Variants in CEP131 observed in about 807,000 individuals in gnomAD.
CEP131 encodes centrosomal protein of 131 kDa.
Under a neutral mutation model 136.8 loss-of-function variants are expected in CEP131, and 99 were observed. The ratio of observed to expected loss-of-function variants is 0.72; its 90% confidence interval spans 0.62 to 0.86. CEP131 has a LOEUF of 0.86. CEP131 is among the 40% of genes least tolerant of loss of function. The pLI, the probability that CEP131 is intolerant of heterozygous loss-of-function variation, is 0.00. For missense variants in CEP131, 1,459 were observed against 1,463.0 expected (o/e 1.00, Z 0.04); for synonymous variants, 646 against 612.7 (o/e 1.05, Z -0.80).
At chr17:81,221,895 C>A (rs1383060731) in intron 1 of CEP131, among the ~76,000 whole-genome samples, 3 of 152,204 alleles carry the variant, frequency 2.0e-5, no homozygotes, top group Non-Finnish European at 4.4e-5. Context: ...CAAGGTCACC[C>A]TGGGCTTCCT....
At position 81,215,819 on chromosome 17, in the gene CEP131, A is replaced by G. The variant is rs1300431025; in HGVS notation, c.177+4061T>C. 2.0e-5 allele frequency among the ~76,000 whole-genome samples: 3 copies of G among 152,214 alleles called. No individual in the cohort carries two copies. The highest frequency in any genetic ancestry group is 7.2e-5 in the African/African-American group (3 of 41,446). ...ATGCAAAATGGCAAAGACACAGGGT[A>G]TTTGCTGTGCCACTCTTGGTACTAT... On this transcript the variant is annotated intron_variant, in intron 2 of 25. Coordinates refer to ENST00000450824, the MANE Select transcript of CEP131 (RefSeq NM_014984.4). The surrounding 1 kb of genome is among the most constrained non-coding windows in gnomAD (Gnocchi z 4.1).
chr17:81,207,193 T>C lies in CEP131; in HGVS notation c.319A>G (p.Ser107Gly). ...AGGCTGGCAGGCCTCTTTTTCCCAC[T>C]GGGGCTGCCCTCGAAGAGCATCAGG... The part of the protein sequence containing the change: ...DFLMLFEGSP[S>G]GKKRPASLST... The change falls in exon 4 of 26, where the codon AGT becomes GGT. Residue 107 changes from serine to glycine, a missense_variant. This residue lies in a region of CEP131 where 187 missense variants were observed against 179.9 expected (regional missense o/e 1.04). Transcript: ENST00000450824. 8 of 1,613,590 alleles carry C rather than the reference T, an allele frequency of 5.0e-6. No homozygotes were observed. The highest frequency in any genetic ancestry group is 6.8e-6 in the Non-Finnish European group (8 of 1,179,898).
intron 6 of CEP131, among the ~76,000 whole-genome samples, chr17:81,202,631 A>G (rs2146598757): frequency 6.6e-6 from 1 of 152,312 alleles, no homozygotes; most frequent in South Asian, 2.1e-4. Flanking sequence ...GGTACCCAGG[A>G]TAATGAGCTC....
chr17:81,193,933 G>T lies in CEP131; in HGVS notation c.2314C>A (p.Arg772=). 6.5e-7 allele frequency: 1 copy of T among 1,535,794 alleles called. No homozygotes were observed. Residue 772 remains arginine, a synonymous_variant, in exon 18 of 26, where the codon CGG becomes AGG. Coordinates refer to ENST00000450824, the MANE Select transcript of CEP131 (RefSeq NM_014984.4). ...ALGQQERERA[R]QRFQQHLEQE... ...CCTGGGGCCACCACCCACCGCTGCC[G>T]AGCACGTTCGCGCTCCTGCTGGCCC...
At chr17:81,201,962 G>A (rs374272781) in intron 7 of CEP131, among the ~76,000 whole-genome samples, 16 of 152,166 alleles carry the variant, frequency 1.1e-4, no homozygotes, top group African/African-American at 2.9e-4. Context: ...TTAGCCAGGC[G>A]TGGTGGCGGG....
chr17:81,194,478 C>T (rs2061711700), intron 17 of CEP131, among the ~76,000 whole-genome samples: 1 of 152,230 alleles, frequency 6.6e-6, no homozygotes, highest in South Asian at 2.1e-4. Context: ...ACAACACCCA[C>T]CAGCCTCCTG....
chr17:81,222,715 C>G (rs903850649), intron 1 of CEP131, 54 bp downstream of exon 1: 2 of 152,088 alleles, frequency 1.3e-5, no homozygotes, highest in Non-Finnish European at 2.9e-5. Context: ...GGCTCCGGAC[C>G]CCTCCAACCT....
chr17:81,200,467 A>T, intron 7 of CEP131, 21 bp from the exon 8 acceptor site: 1 of 1,524,116 alleles, frequency 6.6e-7, no homozygotes, highest in Non-Finnish European at 8.9e-7. Context: ...AGCAGGACTC[A>T]GGGCCAAGAC....
intron 11 of CEP131, 83 bp from the exon 12 acceptor site, chr17:81,198,380 C>T: frequency 3.6e-6 from 5 of 1,400,216 alleles, no homozygotes; most frequent in Non-Finnish European, 9.6e-7. Flanking sequence ...CCGCAGAGCC[C>T]CAAAGGCGCC....
Position 81,198,939 on chromosome 17 carries a change from G to A in CEP131, c.1225C>T (p.Arg409Cys), listed in dbSNP as rs145189405. The part of the protein sequence containing the change: ...GGLPAAGPGD[R>C]CLPTSDSSPE... ...GATGAGTCGGAGGTGGGCAGGCAGC[G>A]GTCTCCGGGGCCTGCAGCAGGGAGG... is the stretch of plus-strand genomic sequence containing the variant. Residue 409 changes from arginine to cysteine, a missense_variant, in exon 11 of 26, where the codon CGC (arginine) becomes TGC (cysteine). By Grantham distance (180) the Arg-to-Cys change is radical. Transcript: ENST00000450824. 3.1e-3 allele frequency: 4,939 copies of A among 1,587,614 alleles called. 13 individuals are homozygous for A. Among genetic ancestry groups the A allele is most frequent in the Non-Finnish European group, 3.6e-3 (4,234 of 1,168,496 alleles).
intron 17 of CEP131, among the ~76,000 whole-genome samples, chr17:81,194,387 C>T (rs1037191712): frequency 2.6e-5 from 4 of 152,314 alleles, no homozygotes; most frequent in Admixed American, 6.5e-5. Context: ...CTCCCAGGCA[C>T]CCTGGCAGGT....
At chr17:81,206,614 T>A (rs2062013288) in intron 5 of CEP131, 130 bp downstream of exon 5, 6 of 1,318,950 alleles carry the variant, frequency 4.5e-6, no homozygotes, top group Non-Finnish European at 6.2e-6. Flanking sequence ...AAAGCCATTC[T>A]TTCACTCACT....
At chr17:81,218,107 A>T (rs2062295779) in intron 2 of CEP131, among the ~76,000 whole-genome samples, 1 of 146,432 alleles carries the variant, frequency 6.8e-6, no homozygotes, top group Non-Finnish European at 1.5e-5. Context: ...CAGTGGCATG[A>T]TCTCGGCTCA....
At chr17:81,190,353 G>A (rs976952957) in intron 24 of CEP131, among the ~76,000 whole-genome samples, 2 of 152,168 alleles carry the variant, frequency 1.3e-5, no homozygotes, top group Non-Finnish European at 2.9e-5. Flanking sequence ...ACCCAGCCCA[G>A]GGCCCCGGGA....
chr17:81,197,460 G>C, intron 13 of CEP131: 1 of 584,286 alleles, frequency 1.7e-6, no homozygotes. Flanking sequence ...CAGCGGGTAG[G>C]TGGGGGCAGT....
intron 8 of CEP131, 162 bp downstream of exon 8, chr17:81,200,163 CCTGA>C (rs1394987645): frequency 3.1e-6 from 2 of 644,214 alleles, no homozygotes; most frequent in Non-Finnish European, 5.3e-6. Flanking sequence ...TGAGGACCAC[CCTGA>C]CTGTCCGCGG....
At position 81,192,393 on chromosome 17, in the gene CEP131, C is replaced by G. The variant is rs1179936854; in HGVS notation, c.2548-1G>C. ...GCTGCTTCAGGGTATTCAGCTCCAT[C>G]TGGGGGGCGGACATAAGAGGCCAGT... On this transcript the variant is annotated splice_acceptor_variant, in intron 20 of 25. Coordinates refer to ENST00000450824, the MANE Select transcript of CEP131 (RefSeq NM_014984.4). LOFTEE classifies it high-confidence loss of function. 1.9e-6 allele frequency: 3 copies of G among 1,608,812 alleles called. No homozygotes were observed. The highest frequency in any genetic ancestry group is 2.5e-6 in the Non-Finnish European group (3 of 1,178,692).
rs559162201 is a variant in CEP131 at position 81,194,093 on chromosome 17, C to A, written c.2154G>T (p.Arg718Ser). 9.6e-6 allele frequency: 15 copies of A among 1,563,420 alleles called. No individual in the cohort carries two copies. The highest frequency in any genetic ancestry group is 1.2e-5 in the Non-Finnish European group (14 of 1,156,680). Residue 718 changes from arginine (R) to serine (S), a missense_variant, in exon 18 of 26, where the codon AGG (arginine) becomes AGT (serine). Around this residue, in one of 3 missense-constraint regions of CEP131, gnomAD observed 1,026 missense variants for 964.2 expected, o/e 1.06. Transcript: ENST00000450824. ...TGAGCCTCCGCACTTCCTGCTTGTG[C>A]CTTGCAATCAGCTTCTGGATCTCGG... ...LEPEIQKLIARHKQEVRRLKS... is the reference protein window; with the variant it reads ...LEPEIQKLIASHKQEVRRLKS...
In CEP131 at chr17:81,195,915, C is replaced by T. The variant is rs753054191; in HGVS notation, c.1936G>A (p.Glu646Lys). The change falls in exon 16 of 26, where the codon GAG becomes AAG. Residue 646 changes from glutamate (E) to lysine (K), a missense_variant. Glu to Lys is a moderately conservative substitution (Grantham distance 56). Coordinates refer to ENST00000450824, the MANE Select transcript of CEP131 (RefSeq NM_014984.4). ...TGCTTCAGCTCGGCCACCACAGCCTCGCACTTTTCACTCAGGACCTTCTTG... is the reference window on the plus strand; with the variant it reads ...TGCTTCAGCTCGGCCACCACAGCCTTGCACTTTTCACTCAGGACCTTCTTG... ...EDKKVLSEKC[E>K]AVVAELKQED... 26 of 1,610,108 alleles carry T rather than the reference C, an allele frequency of 1.6e-5. No homozygotes were observed. Among genetic ancestry groups the T allele is most frequent in the Admixed American group, 5.0e-5 (3 of 59,988 alleles).
Sources: gnomAD v4.1 joint callset for allele counts (sites outside exome capture counted in the v4.1 genomes callset) on GRCh38, gnomAD v4.1.1 for gene constraint, gnomAD v4.1.1 regional missense constraint, Gnocchi (gnomAD v3.1) non-coding constraint, MANE v1.5 for transcripts, NCBI Gene and HGNC (gene_info 2026-07-23, HGNC 2026-07-21) for gene names.